LRRC20: variants seen among roughly 807,000 people sequenced by gnomAD.
LRRC20 encodes the protein leucine rich repeat containing 20.
LRRC20 carries 11 observed loss-of-function variants against 14.4 expected under a neutral mutation model. That is an observed-to-expected ratio of 0.77 (90% CI 0.48 to 1.27). LRRC20 has a LOEUF of 1.27. Ranked by LOEUF, LRRC20 falls within the 50% of genes most tolerant of loss-of-function variation. LRRC20 has a pLI of 0.00. For synonymous variants in LRRC20, 121 were observed against 107.3 expected (o/e 1.13, Z -0.79); for missense variants, 219 against 251.2 (o/e 0.87, Z 0.87).
chr10:70,368,641 G>C (rs112339586), intron 2 of LRRC20, among the ~76,000 whole-genome samples: 2 of 151,514 alleles, frequency 1.3e-5, no homozygotes, highest in Admixed American at 6.6e-5. Context: ...CGGCAGGGGG[G>C]ACTGAGTCTT....
intron 3 of LRRC20, among the ~76,000 whole-genome samples, chr10:70,328,440 G>A (rs1014677623): frequency 1.4e-4 from 22 of 151,880 alleles, no homozygotes; most frequent in Admixed American, 2.0e-4. Context: ...GGGATTATAG[G>A]CACCCACCAC....
chr10:70,337,067 C>G (rs7898468), intron 3 of LRRC20, among the ~76,000 whole-genome samples: 38,969 of 152,128 alleles, frequency 0.26, 5,423 homozygotes, highest in African/African-American at 0.32. Flanking sequence ...GATGACCCAC[C>G]CCTGCCAGGG....
chr10:70,361,113 C>G (rs1376489666), intron 2 of LRRC20, among the ~76,000 whole-genome samples: 1 of 151,582 alleles, frequency 6.6e-6, no homozygotes, highest in Non-Finnish European at 1.5e-5. Flanking sequence ...CCAACAGATT[C>G]AAGTTCAAAT....
chr10:70,300,848 A>C lies in LRRC20; in HGVS notation c.*506T>G. 4 of 986,280 alleles carry C rather than the reference A, an allele frequency of 4.1e-6. No homozygotes were observed. Among genetic ancestry groups the C allele is most frequent in the Non-Finnish European group, 4.8e-6 (4 of 830,584 alleles). 61.1% of individuals were successfully genotyped at this position (986,280 alleles called of 1,614,324 possible). A position where few individuals can be genotyped will look rare whatever the true frequency, so the allele number is the denominator to read the frequency against. ...AAGACTGGGCCCTGCAGAGGGCCGC[A>C]TCCAGGTCAGTTCTCAGGAAGCAAT... On this transcript the variant is annotated 3_prime_UTR_variant, in exon 5 of 5. Coordinates refer to ENST00000446961, the MANE Select transcript of LRRC20 (RefSeq NM_001278212.2).
chr10:70,379,470 T>G (rs1384690910), intron 1 of LRRC20, among the ~76,000 whole-genome samples: 1 of 152,232 alleles, frequency 6.6e-6, no homozygotes, highest in Non-Finnish European at 1.5e-5. Flanking sequence ...CACCATTCCA[T>G]GCTCCCTCCT....
intron 2 of LRRC20, among the ~76,000 whole-genome samples, chr10:70,359,386 G>A (rs1007121900): frequency 3.9e-5 from 6 of 152,140 alleles, no homozygotes; most frequent in African/African-American, 1.4e-4. Context: ...GTGAGACTCC[G>A]TCTGTATAAA....
chr10:70,382,258 C>T (rs1472680569), intron 1 of LRRC20, among the ~76,000 whole-genome samples: 1 of 152,222 alleles, frequency 6.6e-6, no homozygotes, highest in Non-Finnish European at 1.5e-5. Context: ...TCTCCGAGCT[C>T]CCTATTCCCT....
At chr10:70,307,669 T>C (rs1841476395) in intron 4 of LRRC20, among the ~76,000 whole-genome samples, 1 of 152,210 alleles carries the variant, frequency 6.6e-6, no homozygotes, top group African/African-American at 2.4e-5. Context: ...CCCAGATCCT[T>C]CGCTTCACAT....
chr10:70,370,719 G>A (rs1452462096), intron 2 of LRRC20, among the ~76,000 whole-genome samples: 1 of 152,240 alleles, frequency 6.6e-6, no homozygotes, highest in African/African-American at 2.4e-5. Context: ...CTCCAGCCTA[G>A]GCAACAGAGT....
In LRRC20 at chr10:70,301,128, G is replaced by A. The variant is rs550852333; in HGVS notation, c.*226C>T. 8.6e-5 allele frequency: 117 copies of A among 1,352,928 alleles called. No homozygotes were observed. In the African/African-American group the frequency reaches 1.7e-3, roughly 20 times the overall value. The allele number at this position is 1,352,928 out of a possible 1,614,324, so 83.8% of individuals were successfully genotyped here. A position where few individuals can be genotyped will look rare whatever the true frequency, so the allele number is the denominator to read the frequency against. On this transcript the variant is annotated 3_prime_UTR_variant, in exon 5 of 5. Coordinates refer to ENST00000446961, the MANE Select transcript of LRRC20 (RefSeq NM_001278212.2). ...GCCTGAGTTTGCACAGCAGCTGTGA[G>A]TGCCGAGTCCAGGCTGCAGGCCCCA...
chr10:70,314,798 G>A (rs760533729), intron 4 of LRRC20, among the ~76,000 whole-genome samples: 3 of 152,124 alleles, frequency 2.0e-5, no homozygotes, highest in South Asian at 2.1e-4. Flanking sequence ...TAGCAGGAGC[G>A]GGGCTGACTG....
At chr10:70,356,450 A>G (rs1319639007) in intron 2 of LRRC20, among the ~76,000 whole-genome samples, 3 of 152,174 alleles carry the variant, frequency 2.0e-5, no homozygotes, top group Non-Finnish European at 4.4e-5. Context: ...TGGGAGGCAG[A>G]GGTTGCAGTG....
intron 4 of LRRC20, among the ~76,000 whole-genome samples, chr10:70,318,242 G>A (rs867615335): frequency 5.9e-5 from 9 of 152,286 alleles, no homozygotes; most frequent in South Asian, 2.1e-4. Context: ...CAGGTATTAC[G>A]ACAGACTGCT....
intron 2 of LRRC20, among the ~76,000 whole-genome samples, chr10:70,361,005 A>G (rs374295411): frequency 7.3e-5 from 11 of 151,298 alleles, no homozygotes; most frequent in East Asian, 3.9e-4. Context: ...AGCTATGATC[A>G]TGCCACTGCA....
chr10:70,365,103 A>G (rs1348787083), intron 2 of LRRC20, among the ~76,000 whole-genome samples: 1 of 121,762 alleles, frequency 8.2e-6, no homozygotes, highest in Non-Finnish European at 1.6e-5. Flanking sequence ...TCTGCCGCCC[A>G]GGCTGGAGTG....
At position 70,299,827 on chromosome 10, in the gene LRRC20, T is replaced by A. The variant is rs537130007; in HGVS notation, c.*1527A>T. The A allele has an allele frequency of 6.6e-6, 1 of 152,196 alleles. No individual in the cohort carries two copies. The highest frequency in any genetic ancestry group is 6.5e-5 in the Admixed American group (1 of 15,276). 9.4% of individuals were successfully genotyped at this position (152,196 alleles called of 1,614,324 possible). On this transcript the variant is annotated 3_prime_UTR_variant, in exon 5 of 5. Coordinates refer to ENST00000446961, the MANE Select transcript of LRRC20 (RefSeq NM_001278212.2). ...ACCAGGCCTTGGGATACGAGCAGAA[T>A]GAACAGAGTCTCTTGAGATACTGAG...
At chr10:70,364,350 C>G (rs971609244) in intron 2 of LRRC20, among the ~76,000 whole-genome samples, 1 of 152,234 alleles carries the variant, frequency 6.6e-6, no homozygotes, top group African/African-American at 2.4e-5. Context: ...GTCTGCCTCC[C>G]CTCCAGACTG....
chr10:70,302,856 G>A (rs929119021), intron 4 of LRRC20, among the ~76,000 whole-genome samples: 4 of 151,728 alleles, frequency 2.6e-5, no homozygotes, highest in South Asian at 2.1e-4. Flanking sequence ...GACTACAGGC[G>A]CGCGCCACCA....
At chr10:70,320,618 T>G (rs992264389) in intron 4 of LRRC20, among the ~76,000 whole-genome samples, 2 of 152,132 alleles carry the variant, frequency 1.3e-5, no homozygotes, top group African/African-American at 4.8e-5. Flanking sequence ...GTACCTGCTG[T>G]ATGCCACACA....
Sources: allele counts gnomAD v4.1 joint callset (sites outside exome capture counted in the v4.1 genomes callset), GRCh38; gene constraint gnomAD v4.1.1; transcripts MANE v1.5; gene names NCBI Gene and HGNC (gene_info 2026-07-23, HGNC 2026-07-21).